Variants in C22orf42 observed in about 807,000 individuals in gnomAD.
The protein encoded by C22orf42 is uncharacterized protein C22orf42.
Under a neutral mutation model 31.4 loss-of-function variants are expected in C22orf42, and 24 were observed. The observed-to-expected ratio is 0.77, with a 90% confidence interval of 0.55 to 1.08. C22orf42 has a LOEUF of 1.08. Ranked by LOEUF, C22orf42 falls within the 50% of genes least tolerant of loss-of-function variation. C22orf42 has a pLI of 0.00. For missense variants in C22orf42, 276 were observed against 327.3 expected, an observed-to-expected ratio of 0.84 and a Z score of 1.21; for synonymous variants, 96 against 112.7, an observed-to-expected ratio of 0.85 and a Z score of 0.94.
At chr22:32,159,457 CT>C (rs1921478929), upstream of C22orf42, 4 of 1,383,452 alleles carry the variant, frequency 2.9e-6, no homozygotes, top group African/African-American at 5.8e-5. Context: ...TGCTGCCCAC[CT>C]TGTGGCCACC....
chr22:32,151,856 G>A (rs549475827), intron 4 of C22orf42, among the ~76,000 whole-genome samples: 12 of 152,234 alleles, frequency 7.9e-5, no homozygotes, highest in African/African-American at 2.9e-4. Flanking sequence ...TGGCTGCCTA[G>A]ATCCAGGGGT....
At position 32,157,167 on chromosome 22, in the gene C22orf42, T is replaced by C. The variant is rs202115750; in HGVS notation, c.232+1817A>G. Among the ~76,000 whole-genome samples the C allele has an allele frequency of 4.5e-4, 69 of 152,078 alleles. No homozygotes were observed. The East Asian group carries it at 0.012, about 26-fold the overall frequency. ...TAGGATCACTTGACTCTAGAGATTC[T>C]CAAGTCAGCCTATTTCAGGTCATGA... is the stretch of plus-strand genomic sequence containing the variant. On this transcript the variant is annotated intron_variant, in intron 1 of 8. Transcript: ENST00000382097.
In C22orf42 at chr22:32,150,426, T is replaced by G; in HGVS notation, c.547A>C (p.Thr183Pro). 1 of 1,614,022 alleles carries G rather than the reference T, an allele frequency of 6.2e-7. No homozygotes were observed. The highest frequency in any genetic ancestry group is 2.2e-5 in the East Asian group (1 of 44,876). The change falls in exon 7 of 9, where the codon ACA becomes CCA. Residue 183 changes from threonine to proline, a missense_variant. Physicochemically the swap from Thr to Pro is conservative, Grantham distance 38. Transcript: ENST00000382097. ...GATAGGCTTTCACTGAGATCCGATG[T>G]CATGAAGTCTTCAAGACAGACAGAT... ...SLSVCLEDFMTSDLSESLSVS... is the reference protein window; with the variant it reads ...SLSVCLEDFMPSDLSESLSVS...
Position 32,149,619 on chromosome 22 carries a change from G to A in C22orf42, c.683-6C>T. On this transcript the variant is annotated splice_region_variant and splice_polypyrimidine_tract_variant and intron_variant, in intron 8 of 8. Coordinates refer to ENST00000382097, the MANE Select transcript of C22orf42 (RefSeq NM_001010859.3). ...CCGTGCCATCTTAACCCAGCCTAGG[G>A]GAAAAGAACAAGACTTCATCTCAAA... 1.4e-6 allele frequency: 2 copies of A among 1,475,898 alleles called. No homozygotes were observed. Among genetic ancestry groups the A allele is most frequent in the South Asian group, 1.4e-5 (1 of 70,684 alleles). 91.4% of individuals were successfully genotyped at this position (1,475,898 alleles called of 1,614,324 possible). A position where few individuals can be genotyped will look rare whatever the true frequency, so the allele number is the denominator to read the frequency against.
At chr22:32,159,453 C>G (rs1921478147), upstream of C22orf42, 25 of 1,387,614 alleles carry the variant, frequency 1.8e-5, no homozygotes, top group South Asian at 3.4e-4. Context: ...CTGCTGCTGC[C>G]CACCTTGTGG....
intron 6 of C22orf42, 67 bp downstream of exon 6, chr22:32,150,925 G>A (rs554113573): frequency 1.6e-4 from 235 of 1,494,522 alleles, no homozygotes; most frequent in Non-Finnish European, 2.0e-4. Flanking sequence ...AATCACTTAC[G>A]TTAAATGGGT....
intron 5 of C22orf42, 100 bp downstream of exon 5, chr22:32,151,387 T>C (rs1920974806): frequency 1.6e-6 from 2 of 1,236,846 alleles, no homozygotes; most frequent in East Asian, 4.7e-5. Context: ...CACTGAGGCC[T>C]GAATCATGAT....
rs763692289 is a variant in C22orf42, at chr22:32,152,643, T to C, written c.308-17A>G. The C allele has an allele frequency of 1.9e-6, 3 of 1,612,402 alleles. No homozygotes were observed. Among genetic ancestry groups the C allele is most frequent in the Middle Eastern group, 3.3e-4 (2 of 6,054 alleles). On this transcript the variant is annotated splice_polypyrimidine_tract_variant and intron_variant, in intron 2 of 8. Coordinates refer to ENST00000382097, the MANE Select transcript of C22orf42 (RefSeq NM_001010859.3). ...CAGTGGGACCTAGGAGAACACAGAG[T>C]GACAGTCAGTGCATTGGTGCTGCTG...
At chr22:32,150,846 G>A (rs1221554822) in intron 6 of C22orf42, 146 bp downstream of exon 6, 8 of 812,040 alleles carry the variant, frequency 9.9e-6, no homozygotes, top group African/African-American at 8.8e-5. Context: ...CTTTGAGGGG[G>A]AATAAAGAGG....
chr22:32,149,962 A>G (rs528196060), intron 7 of C22orf42, 182 bp from the exon 8 acceptor site: 1 of 523,632 alleles, frequency 1.9e-6, no homozygotes, highest in Non-Finnish European at 3.4e-6. Context: ...TGGAATATTT[A>G]GTAAGTCCAT....
chr22:32,154,659 A>G (rs994146047), intron 1 of C22orf42, among the ~76,000 whole-genome samples: 7 of 152,220 alleles, frequency 4.6e-5, no homozygotes, highest in African/African-American at 1.4e-4. Context: ...GGAGAGTGAA[A>G]TGAACCCCTC....
chr22:32,158,925 T>C (rs1251919761), intron 1 of C22orf42, 59 bp downstream of exon 1: 1 of 1,579,430 alleles, frequency 6.3e-7, no homozygotes, highest in African/African-American at 1.4e-5. Flanking sequence ...TGCAAAGGGG[T>C]GGGGGCGGTG....
Position 32,149,502 on chromosome 22 carries a change from G to C in C22orf42, c.*38C>G, listed in dbSNP as rs756045642. On this transcript the variant is annotated 3_prime_UTR_variant, in exon 9 of 9. Transcript: ENST00000382097. ...ATTCATAAAATGATTTGAGCTGGGC[G>C]TGATGGCAGGCGTCTGTAATCCCAG... 3 of 1,501,742 alleles carry C rather than the reference G, an allele frequency of 2.0e-6. No individual in the cohort carries two copies. Among genetic ancestry groups the C allele is most frequent in the East Asian group, 2.5e-5 (1 of 40,504 alleles). The allele number at this position is 1,501,742 out of a possible 1,614,324, so 93.0% of individuals were successfully genotyped here.
Position 32,150,407 on chromosome 22 carries a change from C to G in C22orf42, c.566G>C (p.Ser189Thr), listed in dbSNP as rs752995379. ...EDFMTSDLSESLSVSLEDFMT... is the reference protein window; with the variant it reads ...EDFMTSDLSETLSVSLEDFMT... ...GAAGTCTTCAAGAGAGACAGATAGGCTTTCACTGAGATCCGATGTCATGAA... is the reference window on the plus strand; with the variant it reads ...GAAGTCTTCAAGAGAGACAGATAGGGTTTCACTGAGATCCGATGTCATGAA... Residue 189 changes from serine (S) to threonine (T), a missense_variant, in exon 7 of 9, where the codon AGC (serine) becomes ACC (threonine). By Grantham distance (58) the Ser-to-Thr change is moderately conservative. Coordinates refer to ENST00000382097, the MANE Select transcript of C22orf42 (RefSeq NM_001010859.3). The G allele has an allele frequency of 8.7e-6, 14 of 1,613,960 alleles. No individual in the cohort carries two copies. Among genetic ancestry groups the G allele is most frequent in the Non-Finnish European group, 1.2e-5 (14 of 1,179,964 alleles).
At chr22:32,159,455 A>G, upstream of C22orf42, 1 of 1,384,336 alleles carries the variant, frequency 7.2e-7, no homozygotes, top group South Asian at 1.5e-5. Context: ...GCTGCTGCCC[A>G]CCTTGTGGCC....
At position 32,151,554 on chromosome 22, in the gene C22orf42, A is replaced by T. The variant is rs190933103; in HGVS notation, c.401-3T>A. 2.5e-5 allele frequency: 40 copies of T among 1,613,592 alleles called. No individual in the cohort carries two copies. Among genetic ancestry groups the T allele is most frequent in the Non-Finnish European group, 3.3e-5 (39 of 1,179,516 alleles). The stretch of plus-strand genomic sequence containing the variant: ...CACCTGCACATCTTCAGTGGGACCT[A>T]GGAGAACACAGAGTGACAGTCAGTG... On this transcript the variant is annotated splice_region_variant and splice_polypyrimidine_tract_variant and intron_variant, in intron 4 of 8. Transcript: ENST00000382097.
At chr22:32,159,328 C>T, upstream of C22orf42, 1 of 1,475,540 alleles carries the variant, frequency 6.8e-7, no homozygotes, top group Non-Finnish European at 8.9e-7. Flanking sequence ...CTGGCCGTTG[C>T]CTAGTAACCA....
upstream of C22orf42, chr22:32,159,488 G>A: frequency 6.0e-6 from 8 of 1,323,580 alleles, no homozygotes; most frequent in Non-Finnish European, 6.8e-6. Context: ...TGTGGTGACT[G>A]CATTATTCAT....
intron 1 of C22orf42, among the ~76,000 whole-genome samples, chr22:32,157,459 G>C (rs980616196): frequency 2.0e-5 from 3 of 150,016 alleles, no homozygotes; most frequent in African/African-American, 7.6e-5. Context: ...AGCCACCTTT[G>C]TGTCTTTCTG....
Sources: allele counts gnomAD v4.1 joint callset (sites outside exome capture counted in the v4.1 genomes callset), GRCh38; gene constraint gnomAD v4.1.1; transcripts MANE v1.5; gene names NCBI Gene and HGNC (gene_info 2026-07-23, HGNC 2026-07-21).